SLC9C1: variants seen among roughly 807,000 people sequenced by gnomAD.
SLC9C1 encodes the protein solute carrier family 9 member C1, also known as sodium/hydrogen exchanger 10.
Under a neutral mutation model 140.9 loss-of-function variants are expected in SLC9C1, and 97 were observed. The observed-to-expected ratio is 0.69, with a 90% confidence interval of 0.58 to 0.82. SLC9C1 has a LOEUF of 0.82. Among genes scored for constraint, SLC9C1 ranks in the 40% least tolerant of loss-of-function variants. The probability of loss-of-function intolerance (pLI) is 0.00; values close to 1 mark genes in which losing one functional copy is unlikely to be tolerated. For missense variants in SLC9C1, 1,340 were observed against 1,389.3 expected, an observed-to-expected ratio of 0.96 and a Z score of 0.56; for synonymous variants, 440 against 442.6, an observed-to-expected ratio of 0.99 and a Z score of 0.07.
At chr3:112,204,135 T>C in intron 17 of SLC9C1, 83 bp downstream of exon 17, 3 of 1,313,870 alleles carry the variant, frequency 2.3e-6, no homozygotes, top group Non-Finnish European at 2.9e-6. Context: ...ATGTTAACCA[T>C]AAAACTAGTA....
chr3:112,239,461 C>T (rs2079081978), intron 12 of SLC9C1, among the ~76,000 whole-genome samples: 1 of 152,198 alleles, frequency 6.6e-6, no homozygotes, highest in Non-Finnish European at 1.5e-5. Flanking sequence ...CACCCACTGT[C>T]CTGCATCCAC....
chr3:112,217,711 A>G (rs149638495), intron 14 of SLC9C1, 150 bp from the exon 15 acceptor site: 1 of 593,964 alleles, frequency 1.7e-6, no homozygotes, highest in Non-Finnish European at 2.6e-6. Context: ...AGACATTTTC[A>G]TGGGCGTGGT....
At chr3:112,253,157 G>T (rs1325490774) in intron 10 of SLC9C1, among the ~76,000 whole-genome samples, 1 of 152,144 alleles carries the variant, frequency 6.6e-6, no homozygotes, top group African/African-American at 2.4e-5. Flanking sequence ...CTGGACAATT[G>T]CACTGAATGA....
At chr3:112,256,603 C>A (rs189539739) in intron 10 of SLC9C1, among the ~76,000 whole-genome samples, 1 of 152,190 alleles carries the variant, frequency 6.6e-6, no homozygotes, top group East Asian at 1.9e-4. Flanking sequence ...AACCCACAGC[C>A]AATATCATAC....
At chr3:112,273,577 G>A (rs1417186389) in intron 6 of SLC9C1, among the ~76,000 whole-genome samples, 1 of 152,120 alleles carries the variant, frequency 6.6e-6, no homozygotes, top group Non-Finnish European at 1.5e-5. Flanking sequence ...TGAGGGGGTG[G>A]TGGTCCTCAG....
intron 10 of SLC9C1, among the ~76,000 whole-genome samples, chr3:112,261,579 G>A (rs1247963872): frequency 6.6e-5 from 10 of 152,004 alleles, no homozygotes. Flanking sequence ...ATGCCTCTGG[G>A]TAAGTATTAA....
intron 27 of SLC9C1, among the ~76,000 whole-genome samples, chr3:112,154,074 T>C (rs1560007282): frequency 9.0e-6 from 1 of 111,542 alleles, no homozygotes; most frequent in South Asian, 3.7e-4. Flanking sequence ...TGTGAGGAGA[T>C]GTTGGGGACA....
chr3:112,169,135 A>G lies in SLC9C1; in HGVS notation c.3051+62T>C, dbSNP rs1426462997. The G allele has an allele frequency of 1.1e-5, 17 of 1,583,450 alleles. No individual in the cohort carries two copies. The South Asian group carries it at 1.5e-4, about 14-fold the overall frequency. ...AGTATATATTCATAAATAGTCAATT[A>G]TAATGTTTTAATGCCATTCCATTCA... On this transcript the variant is annotated intron_variant, in intron 24 of 28. Coordinates refer to ENST00000305815, the MANE Select transcript of SLC9C1 (RefSeq NM_183061.3).
intron 26 of SLC9C1, among the ~76,000 whole-genome samples, chr3:112,163,646 A>G (rs1343167219): frequency 6.6e-6 from 1 of 152,024 alleles, no homozygotes; most frequent in Non-Finnish European, 1.5e-5. Context: ...ACAGTTTGTT[A>G]TAATTTCTGT....
intron 28 of SLC9C1, among the ~76,000 whole-genome samples, chr3:112,143,236 T>C (rs1196317124): frequency 6.5e-5 from 1 of 15,338 alleles, no homozygotes; most frequent in Non-Finnish European, 1.3e-4. Flanking sequence ...ATAATTTGTG[T>C]ATATATATAT....
At position 112,282,612 on chromosome 3, in the gene SLC9C1, G is replaced by A. The variant is rs183999418; in HGVS notation, c.89-1829C>T. 1.5e-3 allele frequency among the ~76,000 whole-genome samples: 221 copies of A among 151,808 alleles called. 1 individual carries two copies. Among genetic ancestry groups the A allele is most frequent in the African/African-American group, 5.1e-3 (209 of 41,382 alleles). On this transcript the variant is annotated intron_variant, in intron 2 of 28. Coordinates refer to ENST00000305815, the MANE Select transcript of SLC9C1 (RefSeq NM_183061.3). Reference sequence around the variant, plus strand: ...CAGTTTGGCACCTTCTCACTTTTTTGTCCTAATCCTAATAATTTGTTAAGG... The same window carrying A: ...CAGTTTGGCACCTTCTCACTTTTTTATCCTAATCCTAATAATTTGTTAAGG...
At chr3:112,254,095 G>A (rs989076556) in intron 10 of SLC9C1, among the ~76,000 whole-genome samples, 62 of 152,120 alleles carry the variant, frequency 4.1e-4, no homozygotes, top group Non-Finnish European at 7.4e-4. Context: ...ATTATGTAAA[G>A]GGGTAAAACT....
chr3:112,189,208 T>G (rs1466662876), intron 20 of SLC9C1, among the ~76,000 whole-genome samples: 1 of 152,260 alleles, frequency 6.6e-6, no homozygotes, highest in Non-Finnish European at 1.5e-5. Flanking sequence ...TAGTTTCTTT[T>G]GCTGTGCAGA....
intron 12 of SLC9C1, among the ~76,000 whole-genome samples, chr3:112,234,953 A>C (rs1411899674): frequency 1.3e-5 from 2 of 151,890 alleles, no homozygotes; most frequent in East Asian, 3.9e-4. Flanking sequence ...TTGACTTAGC[A>C]ATGTGGGCTC....
chr3:112,223,369 A>G (rs1488129788), intron 13 of SLC9C1, among the ~76,000 whole-genome samples: 1 of 152,178 alleles, frequency 6.6e-6, no homozygotes, highest in Non-Finnish European at 1.5e-5. Context: ...TATTCCAGCC[A>G]TGGGTACAAG....
chr3:112,167,144 C>T, intron 26 of SLC9C1, 77 bp downstream of exon 26: 2 of 1,511,980 alleles, frequency 1.3e-6, no homozygotes, highest in Non-Finnish European at 1.8e-6. Context: ...ATGCAAACAA[C>T]AGTTTCCAAA....
chr3:112,205,701 T>C (rs1201306265), intron 16 of SLC9C1, among the ~76,000 whole-genome samples: 1 of 126,408 alleles, frequency 7.9e-6, no homozygotes, highest in African/African-American at 2.9e-5. Flanking sequence ...TAATGCTGCA[T>C]ATCTACAACT....
chr3:112,201,491 C>CA (rs1267131387), intron 18 of SLC9C1, among the ~76,000 whole-genome samples: 3 of 151,960 alleles, frequency 2.0e-5, no homozygotes, highest in African/African-American at 7.2e-5. Context: ...TTCTCAATGA[C>CA]AAAGTTTTGG....
intron 8 of SLC9C1, among the ~76,000 whole-genome samples, chr3:112,265,233 T>C (rs950682530): frequency 6.6e-6 from 1 of 152,028 alleles, no homozygotes; most frequent in Non-Finnish European, 1.5e-5. Flanking sequence ...TCACAACTTA[T>C]AAGGAATGAA....
Sources: allele counts gnomAD v4.1 joint callset (sites outside exome capture counted in the v4.1 genomes callset), GRCh38; gene constraint gnomAD v4.1.1; transcripts MANE v1.5; gene names NCBI Gene and HGNC (gene_info 2026-07-23, HGNC 2026-07-21).